CCDC66: variants seen among roughly 807,000 people sequenced by gnomAD.
CCDC66 encodes the protein coiled-coil domain-containing protein 66.
Under a neutral mutation model 128.3 loss-of-function variants are expected in CCDC66, and 133 were observed. The ratio of observed to expected loss-of-function variants is 1.04; its 90% CI spans 0.90 to 1.20. The LOEUF is 1.20. Among genes scored for constraint, CCDC66 ranks in the 50% most tolerant of loss-of-function variants. The pLI is 0.00. For missense variants in CCDC66, 1,126 were observed against 1,075.5 expected (o/e 1.05, Z -0.66); for synonymous variants, 387 against 357.0 (o/e 1.08, Z -0.95).
chr3:56,618,200 T>G lies in CCDC66; in HGVS notation c.2366T>G (p.Phe789Cys). ...GAAGAGCCTCTGAATATTCATTCATTCAGCAAGGAAAGGTAAGTATGCATC... is the reference window on the plus strand; with the variant it reads ...GAAGAGCCTCTGAATATTCATTCATGCAGCAAGGAAAGGTAAGTATGCATC... ...KEEEPLNIHS[F>C]SKERSPSSPV... Residue 789 changes from phenylalanine (F) to cysteine (C), a missense_variant, in exon 15 of 18, where the codon TTC becomes TGC. Transcript: ENST00000394672. 6.2e-7 allele frequency: 1 copy of G among 1,613,230 alleles called. No individual in the cohort carries two copies. Among genetic ancestry groups the G allele is most frequent in the South Asian group, 1.1e-5 (1 of 91,072 alleles).
chr3:56,567,839 A>G (rs1471334880), intron 6 of CCDC66, among the ~76,000 whole-genome samples: 1 of 151,900 alleles, frequency 6.6e-6, no homozygotes, highest in Non-Finnish European at 1.5e-5. Context: ...ACAGGCACCC[A>G]CTACCACGCC....
chr3:56,581,850 T>C (rs1007645758), intron 7 of CCDC66, among the ~76,000 whole-genome samples: 1 of 151,876 alleles, frequency 6.6e-6, no homozygotes, highest in Non-Finnish European at 1.5e-5. Context: ...CCAGTTAGGC[T>C]ACTCGGTGGT....
At chr3:56,615,724 C>T (rs2075409491) in intron 12 of CCDC66, 198 bp from the exon 13 acceptor site, 7 of 390,218 alleles carry the variant, frequency 1.8e-5, no homozygotes, top group South Asian at 1.6e-4. Flanking sequence ...CTTTTTGTGT[C>T]TATTTTTACC....
chr3:56,593,132 A>G, intron 8 of CCDC66, 31 bp downstream of exon 8: 1 of 1,494,216 alleles, frequency 6.7e-7, no homozygotes, highest in Non-Finnish European at 9.1e-7. Context: ...GCTATAAAAG[A>G]AAAAATAAAA....
chr3:56,616,151 AAACTTGAGG>A, intron 13 of CCDC66, 98 bp downstream of exon 13: 5 of 1,066,896 alleles, frequency 4.7e-6, no homozygotes, highest in Non-Finnish European at 5.4e-6. Context: ...AAAATTAACA[AAACTTGAGG>A]TTTTCAGTAA....
At chr3:56,619,138 G>GA in intron 15 of CCDC66, 133 bp from the exon 16 acceptor site, 2 of 690,516 alleles carry the variant, frequency 2.9e-6, no homozygotes, top group Non-Finnish European at 4.7e-6. Context: ...GAGTTGCAGT[G>GA]AGCTGAGATC....
At position 56,586,400 on chromosome 3, in the gene CCDC66, G is replaced by A. The variant is rs540382808; in HGVS notation, c.937-6570G>A. ...AAAAAAATTAGCCGGGTGTGGTGGCGCACGCCTGTAATCCCAGCTACTCAG... is the reference window on the plus strand; with the variant it reads ...AAAAAAATTAGCCGGGTGTGGTGGCACACGCCTGTAATCCCAGCTACTCAG... On this transcript the variant is annotated intron_variant, in intron 7 of 17. Transcript: ENST00000394672. Among the ~76,000 whole-genome samples, 37 of 151,094 alleles carry A rather than the reference G, an allele frequency of 2.4e-4. 1 individual carries two copies. The South Asian group carries it at 4.2e-3, about 17-fold the overall frequency.
intron 11 of CCDC66, 116 bp downstream of exon 11, chr3:56,613,866 G>C (rs929393567): frequency 3.0e-5 from 24 of 801,412 alleles, no homozygotes; most frequent in Non-Finnish European, 4.6e-5. Flanking sequence ...CTGCAGTCTT[G>C]ACCTCTGGGC....
chr3:56,596,619 A>G (rs1034622641), intron 10 of CCDC66, among the ~76,000 whole-genome samples: 15 of 151,702 alleles, frequency 9.9e-5, no homozygotes, highest in South Asian at 4.2e-4. Context: ...ATGTAGCCCT[A>G]TTCGTATGTT....
chr3:56,620,417 T>TAACA (rs1559794384), intron 17 of CCDC66: 2 of 153,504 alleles, frequency 1.3e-5, no homozygotes, highest in South Asian at 2.0e-4. Flanking sequence ...AACAAACAGG[T>TAACA]AACATCCTTA....
chr3:56,566,107 C>CTTTGT (rs150674110), intron 4 of CCDC66, among the ~76,000 whole-genome samples: 24,846 of 148,836 alleles, frequency 0.17, 2,385 homozygotes, highest in Non-Finnish European at 0.2. Flanking sequence ...CTTCAGTTTC[C>CTTTGT]TTTGTTTTGT....
intron 10 of CCDC66, among the ~76,000 whole-genome samples, chr3:56,604,420 G>A (rs1036060911): frequency 3.3e-5 from 5 of 152,018 alleles, no homozygotes; most frequent in Non-Finnish European, 7.4e-5. Flanking sequence ...GGTACCAGTT[G>A]TTCCTTTCCA....
chr3:56,585,548 T>A, intron 7 of CCDC66, among the ~76,000 whole-genome samples: 1 of 151,684 alleles, frequency 6.6e-6, no homozygotes, highest in East Asian at 2.0e-4. Flanking sequence ...GAAAATTAGG[T>A]TGAATGAAAA....
chr3:56,606,818 A>G (rs1444166813), intron 10 of CCDC66, among the ~76,000 whole-genome samples: 9 of 151,672 alleles, frequency 5.9e-5, no homozygotes, highest in Non-Finnish European at 1.0e-4. Context: ...TGATTTTTGT[A>G]TAAGGTGAGA....
In CCDC66 at chr3:56,613,580, T is replaced by C; in HGVS notation, c.1405-9T>C. The C allele has an allele frequency of 6.2e-7, 1 of 1,606,558 alleles. No homozygotes were observed. The highest frequency in any genetic ancestry group is 8.5e-7 in the Non-Finnish European group (1 of 1,178,030). On this transcript the variant is annotated splice_polypyrimidine_tract_variant and intron_variant, in intron 10 of 17. Coordinates refer to ENST00000394672, the MANE Select transcript of CCDC66 (RefSeq NM_001141947.3). ...TTTGACAATGATTTACGTGATTGCT[T>C]ATGACTAGAAAGCCATCACTGCCCA...
Position 56,563,870 on chromosome 3 carries a change from A to G in CCDC66, c.289A>G (p.Lys97Glu). ...MTFSSTKDLC[K>E]QCIDKDCLHI... is the part of the protein sequence containing the mutation. Reference sequence around the variant, plus strand: ...TTTTTCATCCACTAAGGATTTATGTAAACAATGTATAGATAAAGACTGTCT... The same window carrying G: ...TTTTTCATCCACTAAGGATTTATGTGAACAATGTATAGATAAAGACTGTCT... The change falls in exon 4 of 18, where the codon AAA (lysine) becomes GAA (glutamate). Residue 97 changes from lysine to glutamate, a missense_variant. Lys to Glu is a moderately conservative substitution (Grantham distance 56, BLOSUM62 1). Transcript: ENST00000394672. The G allele has an allele frequency of 6.2e-7, 1 of 1,602,624 alleles. No homozygotes were observed. Among genetic ancestry groups the G allele is most frequent in the Non-Finnish European group, 8.5e-7 (1 of 1,173,424 alleles).
chr3:56,581,071 A>G (rs62255978), intron 7 of CCDC66, among the ~76,000 whole-genome samples: 7,545 of 151,860 alleles, frequency 0.05, 245 homozygotes, highest in East Asian at 0.097. Context: ...GTCTTTTCAC[A>G]TAGTCCCATA....
At chr3:56,584,069 C>A (rs2068991688) in intron 7 of CCDC66, among the ~76,000 whole-genome samples, 2 of 142,660 alleles carry the variant, frequency 1.4e-5, no homozygotes, top group African/African-American at 2.5e-5. Context: ...GGGGGCTGCC[C>A]CCCACCTCCC....
intron 3 of CCDC66, among the ~76,000 whole-genome samples, chr3:56,563,266 C>A (rs1483928364): frequency 6.6e-6 from 1 of 151,812 alleles, no homozygotes; most frequent in Non-Finnish European, 1.5e-5. Context: ...GTGGCTGAGG[C>A]AGGAGAATTG....
Sources: allele counts gnomAD v4.1 joint callset (sites outside exome capture counted in the v4.1 genomes callset), GRCh38; gene constraint gnomAD v4.1.1; transcripts MANE v1.5; gene names NCBI Gene and HGNC (gene_info 2026-07-23, HGNC 2026-07-21).